The following SLC24A3 variants were observed in gnomAD, a reference collection of about 807,000 sequenced individuals.
SLC24A3 encodes solute carrier family 24 member 3.
SLC24A3 carries 28 observed loss-of-function variants against 75.8 expected under a neutral mutation model. That is an observed-to-expected ratio of 0.37 (90% CI 0.27 to 0.51). SLC24A3 has a LOEUF of 0.51. Among genes scored for constraint, SLC24A3 ranks in the 20% least tolerant of loss-of-function variants. The probability of loss-of-function intolerance (pLI) is 0.94; values close to 1 mark genes in which losing one functional copy is unlikely to be tolerated. For synonymous variants in SLC24A3, 372 were observed against 334.1 expected (o/e 1.11, Z -1.24); for missense variants, 663 against 847.8 (o/e 0.78, Z 2.71).
chr20:19,328,534 A>G (rs1334975259), intron 2 of SLC24A3, among the ~76,000 whole-genome samples: 1 of 152,090 alleles, frequency 6.6e-6, no homozygotes, highest in Non-Finnish European at 1.5e-5. Context: ...TTGACTGGAC[A>G]TGGTTTGAAT....
chr20:19,530,238 TTTTG>T (rs1464186577), intron 3 of SLC24A3, among the ~76,000 whole-genome samples: 2 of 152,220 alleles, frequency 1.3e-5, no homozygotes, highest in African/African-American at 2.4e-5. Flanking sequence ...GGGCAGAGAC[TTTTG>T]TTTTCTATTG....
intron 10 of SLC24A3, among the ~76,000 whole-genome samples, chr20:19,683,233 C>T (rs1220946567): frequency 6.6e-6 from 1 of 152,156 alleles, no homozygotes; most frequent in Admixed American, 6.5e-5. Flanking sequence ...AGTTTCTTCT[C>T]TTCTGGGTAG....
chr20:19,236,091 ATAATT>A (rs1982159413), intron 1 of SLC24A3, among the ~76,000 whole-genome samples: 1 of 152,218 alleles, frequency 6.6e-6, no homozygotes. Context: ...GAATTTATTC[ATAATT>A]TAATTTGATA....
chr20:19,594,309 A>G (rs1171210715), intron 6 of SLC24A3, among the ~76,000 whole-genome samples: 2 of 152,224 alleles, frequency 1.3e-5, no homozygotes, highest in African/African-American at 4.8e-5. Context: ...TTCATGCCCT[A>G]GGTCCAAGCA....
intron 3 of SLC24A3, among the ~76,000 whole-genome samples, chr20:19,534,409 T>TTTTTG (rs1555798607): frequency 1.4e-3 from 15 of 10,764 alleles, no homozygotes; most frequent in Non-Finnish European, 3.2e-3. Flanking sequence ...TGTTGTTGTT[T>TTTTTG]TTTTGTTTTG....
chr20:19,538,804 G>A (rs933208107), intron 3 of SLC24A3, among the ~76,000 whole-genome samples: 4 of 152,158 alleles, frequency 2.6e-5, no homozygotes, highest in African/African-American at 9.7e-5. Context: ...TGCAATGAAG[G>A]TACTAGAATA....
At chr20:19,484,787 G>C (rs1175484721) in intron 2 of SLC24A3, among the ~76,000 whole-genome samples, 1 of 152,158 alleles carries the variant, frequency 6.6e-6, no homozygotes, top group East Asian at 1.9e-4. Context: ...ATATACTTTA[G>C]ACTACTGAGC....
chr20:19,285,370 T>TG (rs994266268), intron 2 of SLC24A3, among the ~76,000 whole-genome samples: 8 of 141,352 alleles, frequency 5.7e-5, no homozygotes, highest in Admixed American at 7.8e-5. Flanking sequence ...CCCAGCTACT[T>TG]GGGGGGCTGA....
rs1408424263 is a variant in SLC24A3, at chr20:19,524,152, A to G, written c.348+8588A>G. ...GTGCCCCACTTGGTAACACACCTTTATTAGATGCTCTTCCTGCCCTGACTC... is the reference window on the plus strand; with the variant it reads ...GTGCCCCACTTGGTAACACACCTTTGTTAGATGCTCTTCCTGCCCTGACTC... On this transcript the variant is annotated intron_variant, in intron 3 of 16. Transcript: ENST00000328041. Among the ~76,000 whole-genome samples the G allele has an allele frequency of 7.2e-5, 11 of 152,244 alleles. No homozygotes were observed. The East Asian group carries it at 1.9e-3, about 27-fold the overall frequency.
chr20:19,363,987 G>A (rs1223961027), intron 2 of SLC24A3, among the ~76,000 whole-genome samples: 1 of 152,042 alleles, frequency 6.6e-6, no homozygotes, highest in Non-Finnish European at 1.5e-5. Flanking sequence ...CTTTAGGGAG[G>A]GCCCAGTCAG....
intron 3 of SLC24A3, among the ~76,000 whole-genome samples, chr20:19,517,989 A>T (rs1364460414): frequency 1.3e-5 from 2 of 152,220 alleles, no homozygotes; most frequent in African/African-American, 4.8e-5. Context: ...AGCCCCAATA[A>T]AGAAGCCCCT....
At chr20:19,494,386 C>T (rs899527452) in intron 2 of SLC24A3, among the ~76,000 whole-genome samples, 14 of 152,302 alleles carry the variant, frequency 9.2e-5, no homozygotes, top group African/African-American at 3.4e-4. Context: ...TTTGCAAACA[C>T]GAATCTTTAG....
chr20:19,544,312 C>T (rs575298769), intron 3 of SLC24A3, among the ~76,000 whole-genome samples: 1 of 152,292 alleles, frequency 6.6e-6, no homozygotes, highest in Non-Finnish European at 1.5e-5. Context: ...GCACGTGGCC[C>T]TGTAGAAGCC....
intron 1 of SLC24A3, among the ~76,000 whole-genome samples, chr20:19,272,191 C>T (rs1047537108): frequency 6.6e-6 from 1 of 152,236 alleles, no homozygotes; most frequent in Non-Finnish European, 1.5e-5. Context: ...CACTTGCAGG[C>T]TCTGCAGCCT....
At chr20:19,439,725 G>T (rs1987267610) in intron 2 of SLC24A3, among the ~76,000 whole-genome samples, 1 of 152,188 alleles carries the variant, frequency 6.6e-6, no homozygotes, top group South Asian at 2.1e-4. Context: ...CTGATGGTTT[G>T]GATCTGTGTA....
chr20:19,415,025 C>G (rs1986804900), intron 2 of SLC24A3, among the ~76,000 whole-genome samples: 1 of 152,190 alleles, frequency 6.6e-6, no homozygotes, highest in South Asian at 2.1e-4. Context: ...TTAGAAACCA[C>G]TTCAAATTCT....
At chr20:19,533,415 T>C (rs1226531510) in intron 3 of SLC24A3, among the ~76,000 whole-genome samples, 1 of 151,928 alleles carries the variant, frequency 6.6e-6, no homozygotes, top group East Asian at 1.9e-4. Flanking sequence ...GTAAGAGGAG[T>C]TGCAAGGTCA....
At chr20:19,295,653 C>T (rs563975570) in intron 2 of SLC24A3, among the ~76,000 whole-genome samples, 1 of 152,316 alleles carries the variant, frequency 6.6e-6, no homozygotes, top group South Asian at 2.1e-4. Flanking sequence ...TGATGAATTA[C>T]ATTTATTGAC....
chr20:19,578,114 G>A (rs549613674), intron 3 of SLC24A3, among the ~76,000 whole-genome samples: 3 of 152,302 alleles, frequency 2.0e-5, no homozygotes, highest in African/African-American at 7.2e-5. Context: ...TGCTTGGGTT[G>A]CCACAGAGGC....
Sources: allele counts gnomAD v4.1 joint callset (sites outside exome capture counted in the v4.1 genomes callset), GRCh38; gene constraint gnomAD v4.1.1; transcripts MANE v1.5; gene names NCBI Gene and HGNC (gene_info 2026-07-23, HGNC 2026-07-21).